ESR1: variants seen among roughly 807,000 people sequenced by gnomAD.
ESR1 encodes the protein estrogen receptor 1, also known as estrogen receptor.
A neutral mutation model predicts 52.7 loss-of-function variants in ESR1; 12 were observed. The ratio of observed to expected loss-of-function variants is 0.23; its 90% confidence interval spans 0.15 to 0.37. The LOEUF (loss-of-function observed/expected upper bound fraction) is 0.37. Ranked by LOEUF, ESR1 falls within the 10% of genes least tolerant of loss-of-function variation. ESR1 has a pLI of 1.00. For missense variants in ESR1, 584 were observed against 779.7 expected, an observed-to-expected ratio of 0.75 and a Z score of 2.99; for synonymous variants, 305 against 316.8, an observed-to-expected ratio of 0.96 and a Z score of 0.39.
intron 3 of ESR1, among the ~76,000 whole-genome samples, chr6:151,936,525 A>T (rs919666778): frequency 6.6e-6 from 1 of 152,212 alleles, no homozygotes; most frequent in Non-Finnish European, 1.5e-5. Flanking sequence ...ACAGTTTGTT[A>T]ATGAGAAAAG....
In ESR1 at chr6:152,098,701, A is replaced by C; in HGVS notation, c.1554-31A>C. 1 of 1,590,740 alleles carries C rather than the reference A, an allele frequency of 6.3e-7. No individual in the cohort carries two copies. Among genetic ancestry groups the C allele is most frequent in the Non-Finnish European group, 8.6e-7 (1 of 1,160,026 alleles). On this transcript the variant is annotated intron_variant, in intron 7 of 7. Transcript: ENST00000206249. The surrounding 1 kb of genome is among the most constrained non-coding windows in gnomAD (Gnocchi z 5.1). ...CTCCTGGGGCTCGGGTTGGCTCTAA[A>C]GTAGTCCTTTCTGTGTCTTCCCACC...
At chr6:152,000,378 A>G (rs1433619542) in intron 4 of ESR1, among the ~76,000 whole-genome samples, 1 of 152,052 alleles carries the variant, frequency 6.6e-6, no homozygotes, top group Admixed American at 6.6e-5. Context: ...TTCCATCCTC[A>G]TAATATCATA....
At chr6:152,002,185 AGT>A (rs10578838) in intron 4 of ESR1, among the ~76,000 whole-genome samples, 17,838 of 141,098 alleles carry the variant, frequency 0.13, 1,720 homozygotes, top group African/African-American at 0.28. Flanking sequence ...TTTTAAATCA[AGT>A]GTGTGTGTGT....
At chr6:151,792,059 G>A (rs1298896681) in intron 2 of ESR1, among the ~76,000 whole-genome samples, 4 of 152,188 alleles carry the variant, frequency 2.6e-5, no homozygotes, top group African/African-American at 9.7e-5. Context: ...GGATAGTACA[G>A]CCTGTTGCTC....
chr6:151,924,114 G>T (rs951430402), intron 3 of ESR1, among the ~76,000 whole-genome samples: 1 of 152,108 alleles, frequency 6.6e-6, no homozygotes, highest in Non-Finnish European at 1.5e-5. Context: ...CACGATCTTC[G>T]CTCATTGCAA....
At chr6:152,117,318 G>C (rs1261094444) in intron 6 of ESR1, among the ~76,000 whole-genome samples, 1 of 152,210 alleles carries the variant, frequency 6.6e-6, no homozygotes, top group East Asian at 1.9e-4. Flanking sequence ...ACAGCTCCAA[G>C]AATGTGTCCG....
intron 5 of ESR1, among the ~76,000 whole-genome samples, chr6:152,037,185 C>T (rs746109400): frequency 4.6e-5 from 7 of 151,922 alleles, no homozygotes; most frequent in Non-Finnish European, 8.8e-5. Flanking sequence ...CAGTTCTATC[C>T]GTATGGTCGG....
intron 3 of ESR1, among the ~76,000 whole-genome samples, chr6:151,937,821 T>A (rs1371557718): frequency 6.6e-6 from 1 of 152,204 alleles, no homozygotes; most frequent in Non-Finnish European, 1.5e-5. Context: ...CAGATAGACC[T>A]CGATTGTAAC....
At chr6:151,853,165 G>A (rs1480153331) in intron 2 of ESR1, among the ~76,000 whole-genome samples, 16 of 48,888 alleles carry the variant, frequency 3.3e-4, no homozygotes, top group African/African-American at 1.4e-3. Context: ...AGTGAGACTC[G>A]TCTCAAAAAA....
chr6:151,951,591 C>G (rs2036329366), intron 4 of ESR1, among the ~76,000 whole-genome samples: 1 of 152,062 alleles, frequency 6.6e-6, no homozygotes, highest in South Asian at 2.1e-4. Flanking sequence ...TCAAATAAGA[C>G]CAGTACTGAT....
At chr6:151,907,918 A>C (rs929396142) in intron 3 of ESR1, among the ~76,000 whole-genome samples, 16 of 152,350 alleles carry the variant, frequency 1.1e-4, no homozygotes, top group African/African-American at 3.8e-4. Flanking sequence ...ATAGATCATG[A>C]AGAAAGTGAT....
chr6:151,777,065 C>A (rs1215312430), intron 2 of ESR1, among the ~76,000 whole-genome samples: 2 of 151,338 alleles, frequency 1.3e-5, no homozygotes, highest in Non-Finnish European at 2.9e-5. Flanking sequence ...TGGCTCTGAG[C>A]ATAAAATGCC....
At chr6:151,723,854 A>G (rs1408809533) in intron 2 of ESR1, among the ~76,000 whole-genome samples, 2 of 152,174 alleles carry the variant, frequency 1.3e-5, no homozygotes, top group Non-Finnish European at 2.9e-5. Flanking sequence ...TGGGTGACAG[A>G]GCAAGACTCC....
chr6:152,072,449 A>G (rs1017141011), intron 6 of ESR1, among the ~76,000 whole-genome samples: 4 of 152,198 alleles, frequency 2.6e-5, no homozygotes, highest in African/African-American at 4.8e-5. Context: ...ACCTCTTCCA[A>G]AGACTTTGTT....
At chr6:151,661,585 C>G (rs534476797) in intron 1 of ESR1, among the ~76,000 whole-genome samples, 1 of 152,214 alleles carries the variant, frequency 6.6e-6, no homozygotes, top group Admixed American at 6.5e-5. Flanking sequence ...GTTATGTGCA[C>G]AGCCTGTTTG....
chr6:151,772,192 A>G (rs1785578379), intron 2 of ESR1, among the ~76,000 whole-genome samples: 1 of 152,162 alleles, frequency 6.6e-6, no homozygotes, highest in Non-Finnish European at 1.5e-5. Context: ...TTGAATTGGA[A>G]CAGGAATGGA....
At chr6:151,691,568 G>A (rs1009528144) in intron 1 of ESR1, among the ~76,000 whole-genome samples, 2 of 152,212 alleles carry the variant, frequency 1.3e-5, no homozygotes, top group African/African-American at 2.4e-5. Flanking sequence ...CATGGCAATG[G>A]TTCCTGCTTA....
At chr6:152,096,285 G>A (rs1266032190) in intron 7 of ESR1, among the ~76,000 whole-genome samples, 1 of 152,128 alleles carries the variant, frequency 6.6e-6, no homozygotes, top group Non-Finnish European at 1.5e-5. Flanking sequence ...TCTCTTAGTG[G>A]CTATGAGGGA....
chr6:151,932,140 C>T (rs2033716061), intron 3 of ESR1, among the ~76,000 whole-genome samples: 1 of 150,516 alleles, frequency 6.6e-6, no homozygotes, highest in Non-Finnish European at 1.5e-5. Flanking sequence ...TTAATGATTG[C>T]CATTCTAACT....
Sources: allele counts gnomAD v4.1 joint callset (sites outside exome capture counted in the v4.1 genomes callset), GRCh38; gene constraint gnomAD v4.1.1; non-coding constraint Gnocchi (gnomAD v3.1); transcripts MANE v1.5; gene names NCBI Gene and HGNC (gene_info 2026-07-23, HGNC 2026-07-21).